SFMBT2: variants seen among roughly 807,000 people sequenced by gnomAD.
SFMBT2 encodes the protein Scm like with four mbt domains 2, also known as scm-like with four MBT domains protein 2.
In SFMBT2, 38 loss-of-function variants were observed where a neutral mutation model predicts 110.1. The observed-to-expected ratio is 0.35, with a 90% CI of 0.27 to 0.45. The LOEUF (loss-of-function observed/expected upper bound fraction) is 0.45, where lower values mean the gene tolerates loss of function less well. Among genes scored for constraint, SFMBT2 ranks in the 20% least tolerant of loss-of-function variants. SFMBT2 has a pLI of 1.00. For synonymous variants in SFMBT2, 425 were observed against 425.4 expected (o/e 1.00, Z 0.01); for missense variants, 1,011 against 1,094.9 (o/e 0.92, Z 1.08).
chr10:7,344,382 C>T (rs945028449), intron 4 of SFMBT2, among the ~76,000 whole-genome samples: 3 of 152,092 alleles, frequency 2.0e-5, no homozygotes, highest in African/African-American at 7.2e-5. Context: ...GTGAGTAAGT[C>T]TCACAAGATC....
At chr10:7,276,267 C>T (rs1394599028) in intron 7 of SFMBT2, among the ~76,000 whole-genome samples, 1 of 152,162 alleles carries the variant, frequency 6.6e-6, no homozygotes, top group Non-Finnish European at 1.5e-5. Context: ...CATTTTCTGT[C>T]ATTTTTACTA....
At chr10:7,246,814 G>A (rs1236573977) in intron 8 of SFMBT2, among the ~76,000 whole-genome samples, 2 of 147,114 alleles carry the variant, frequency 1.4e-5, no homozygotes, top group East Asian at 4.2e-4. Context: ...AATACCAGGT[G>A]AAGCGACTCT....
chr10:7,308,568 T>A (rs1345438237), intron 4 of SFMBT2, among the ~76,000 whole-genome samples: 4 of 152,102 alleles, frequency 2.6e-5, no homozygotes, highest in Admixed American at 1.3e-4. Flanking sequence ...GATGGGGACA[T>A]AAAACTTCCA....
chr10:7,306,389 C>T (rs143585893), intron 4 of SFMBT2, among the ~76,000 whole-genome samples: 108 of 152,180 alleles, frequency 7.1e-4, no homozygotes, highest in African/African-American at 2.5e-3. Context: ...TTTTTGTGTC[C>T]GTAAATAAAG....
intron 11 of SFMBT2, among the ~76,000 whole-genome samples, chr10:7,213,272 C>T (rs969041553): frequency 2.6e-5 from 4 of 151,942 alleles, no homozygotes; most frequent in Non-Finnish European, 4.4e-5. Context: ...AAAAAAGAAA[C>T]ACAGACCTAC....
chr10:7,404,011 A>G (rs1050394315), intron 1 of SFMBT2, among the ~76,000 whole-genome samples: 1 of 152,234 alleles, frequency 6.6e-6, no homozygotes, highest in African/African-American at 2.4e-5. Flanking sequence ...ATGGATCCCA[A>G]CGACCCTGAT....
At chr10:7,387,176 A>T (rs950697252) in intron 1 of SFMBT2, among the ~76,000 whole-genome samples, 1 of 151,950 alleles carries the variant, frequency 6.6e-6, no homozygotes, top group African/African-American at 2.4e-5. Context: ...AGCACTCAAC[A>T]CTCCTAGGCA....
chr10:7,356,517 G>A (rs1054930428), intron 4 of SFMBT2, among the ~76,000 whole-genome samples: 2 of 152,234 alleles, frequency 1.3e-5, no homozygotes, highest in African/African-American at 4.8e-5. Context: ...CCGGGTTCAA[G>A]CAACTCTCCT....
intron 11 of SFMBT2, chr10:7,206,143 G>C: frequency 1.0e-6 from 1 of 985,362 alleles, no homozygotes; most frequent in Non-Finnish European, 1.2e-6. Flanking sequence ...TAAAAAGGCA[G>C]GAATAAAAGG....
At chr10:7,205,551 A>G in intron 12 of SFMBT2, 1 of 985,432 alleles carries the variant, frequency 1.0e-6, no homozygotes, top group Non-Finnish European at 1.2e-6. Context: ...TGTATAAAAA[A>G]CTGAGAGTGA....
At chr10:7,296,534 T>A (rs1309719841) in intron 4 of SFMBT2, among the ~76,000 whole-genome samples, 3 of 152,210 alleles carry the variant, frequency 2.0e-5, no homozygotes, top group African/African-American at 7.2e-5. Context: ...TCCATTCAAA[T>A]TTTTCCCAAT....
Position 7,381,658 on chromosome 10 carries a change from C to G in SFMBT2, c.100+141G>C, listed in dbSNP as rs970464667. ...ACCCAAATTTTAGAGCGGCCATATCCTTATAAATAGGACTTCAAATCCCAG... is the reference window on the plus strand; with the variant it reads ...ACCCAAATTTTAGAGCGGCCATATCGTTATAAATAGGACTTCAAATCCCAG... On this transcript the variant is annotated intron_variant, in intron 2 of 20. Coordinates refer to ENST00000397167, the MANE Select transcript of SFMBT2 (RefSeq NM_001387889.1). 3.4e-6 allele frequency: 3 copies of G among 880,390 alleles called. No homozygotes were observed. The African/African-American group carries it at 5.1e-5, about 15-fold the overall frequency. 54.5% of individuals were successfully genotyped at this position (880,390 alleles called of 1,614,324 possible).
intron 4 of SFMBT2, among the ~76,000 whole-genome samples, chr10:7,325,563 T>C (rs776363310): frequency 2.0e-5 from 3 of 152,180 alleles, no homozygotes; most frequent in Non-Finnish European, 4.4e-5. Context: ...CCCTCACATA[T>C]AACTATTTTA....
At chr10:7,345,441 C>T (rs148352159) in intron 4 of SFMBT2, among the ~76,000 whole-genome samples, 1 of 152,202 alleles carries the variant, frequency 6.6e-6, no homozygotes, top group Non-Finnish European at 1.5e-5. Context: ...TCACTGCAAC[C>T]TCTGCCTCAC....
chr10:7,225,947 C>T (rs1839886215), intron 10 of SFMBT2, among the ~76,000 whole-genome samples: 1 of 152,184 alleles, frequency 6.6e-6, no homozygotes, highest in Non-Finnish European at 1.5e-5. Context: ...GGTGAGAAGT[C>T]AAGACAGCAC....
chr10:7,343,374 G>A (rs529954778), intron 4 of SFMBT2, among the ~76,000 whole-genome samples: 1 of 152,144 alleles, frequency 6.6e-6, no homozygotes, highest in Non-Finnish European at 1.5e-5. Context: ...TGTCTTTAAG[G>A]TAGAATGATT....
chr10:7,231,063 T>TC (rs898966131), intron 9 of SFMBT2, among the ~76,000 whole-genome samples: 18 of 152,124 alleles, frequency 1.2e-4, no homozygotes, highest in African/African-American at 3.9e-4. Context: ...AGGATTTTTT[T>TC]CCCCCAACTC....
At chr10:7,275,885 T>C (rs1042230091) in intron 7 of SFMBT2, among the ~76,000 whole-genome samples, 1 of 152,198 alleles carries the variant, frequency 6.6e-6, no homozygotes. Context: ...ATTAAGTACA[T>C]CTTCTACATG....
Position 7,270,558 on chromosome 10 carries a change from G to C in SFMBT2, c.870+6334C>G, listed in dbSNP as rs566551401. Among the ~76,000 whole-genome samples, 72 of 152,294 alleles carry C rather than the reference G, an allele frequency of 4.7e-4. 3 individuals are homozygous for C. The South Asian group carries it at 0.015, about 31-fold the overall frequency. ...AATGAAAGTATCTCACCAGCTTTAA[G>C]AACACATAATATTCAATGCAACTAA... is the stretch of plus-strand genomic sequence containing the variant. On this transcript the variant is annotated intron_variant, in intron 7 of 20. Transcript: ENST00000397167.
Sources: allele counts gnomAD v4.1 joint callset (sites outside exome capture counted in the v4.1 genomes callset), GRCh38; gene constraint gnomAD v4.1.1; transcripts MANE v1.5; gene names NCBI Gene and HGNC (gene_info 2026-07-23, HGNC 2026-07-21).